Variants in ORC2 observed in about 807,000 individuals in gnomAD.
The protein encoded by ORC2 is origin recognition complex protein 2 homolog.
In ORC2, 37 loss-of-function variants were observed where a neutral mutation model predicts 77.7. That is an observed-to-expected ratio of 0.48 (90% confidence interval 0.37 to 0.63). The LOEUF is 0.63. Among genes scored for constraint, ORC2 ranks in the 20% least tolerant of loss-of-function variants. The pLI, the probability that ORC2 is intolerant of heterozygous loss-of-function variation, is 0.00. For synonymous variants in ORC2, 201 were observed against 229.5 expected, an observed-to-expected ratio of 0.88 and a Z score of 1.12; for missense variants, 557 against 661.9, an observed-to-expected ratio of 0.84 and a Z score of 1.74.
intron 11 of ORC2, among the ~76,000 whole-genome samples, chr2:200,927,997 T>C (rs570177504): frequency 6.6e-6 from 1 of 151,390 alleles, no homozygotes; most frequent in African/African-American, 2.4e-5. Context: ...CAGGAATCAA[T>C]GTTTAGTGAT....
At chr2:200,939,782 T>C (rs891071262) in intron 7 of ORC2, among the ~76,000 whole-genome samples, 1 of 152,258 alleles carries the variant, frequency 6.6e-6, no homozygotes, top group Non-Finnish European at 1.5e-5. Context: ...CAGGTTTTTC[T>C]GGTTTTTTGG....
At chr2:200,957,893 C>A in intron 3 of ORC2, 137 bp downstream of exon 3, 1 of 528,134 alleles carries the variant, frequency 1.9e-6, no homozygotes, top group Admixed American at 3.5e-5. Flanking sequence ...AAAATTAAAG[C>A]AGTTTTTATT....
At chr2:200,927,225 A>T (rs2040854556) in intron 11 of ORC2, among the ~76,000 whole-genome samples, 1 of 151,950 alleles carries the variant, frequency 6.6e-6, no homozygotes, top group Admixed American at 6.6e-5. Flanking sequence ...CTGGGGCTAC[A>T]GCTGTGCACC....
chr2:200,923,159 T>C (rs369586321), intron 13 of ORC2, among the ~76,000 whole-genome samples: 1 of 152,258 alleles, frequency 6.6e-6, no homozygotes, highest in Non-Finnish European at 1.5e-5. Flanking sequence ...TATTGAATAC[T>C]GAACCACTGT....
intron 1 of ORC2, chr2:200,963,073 G>A (rs2041611283): frequency 5.9e-6 from 1 of 168,756 alleles, no homozygotes; most frequent in African/African-American, 2.4e-5. Context: ...TACCACTGTC[G>A]TTACACATCT....
chr2:200,956,882 A>C (rs1213541028), intron 4 of ORC2, among the ~76,000 whole-genome samples: 2 of 152,230 alleles, frequency 1.3e-5, no homozygotes, highest in Non-Finnish European at 2.9e-5. Flanking sequence ...TGAAGCTAGA[A>C]GTCATCATCC....
chr2:200,942,213 A>G (rs1376493258), intron 6 of ORC2, among the ~76,000 whole-genome samples: 2 of 152,144 alleles, frequency 1.3e-5, no homozygotes, highest in Admixed American at 6.6e-5. Flanking sequence ...AAAAAAACAG[A>G]AATGTCGGCA....
At chr2:200,925,105 GACAA>G (rs1333474929) in intron 13 of ORC2, among the ~76,000 whole-genome samples, 1 of 152,094 alleles carries the variant, frequency 6.6e-6, no homozygotes, top group African/African-American at 2.4e-5. Flanking sequence ...AAAAATATCA[GACAA>G]ACTTGTACCA....
rs200066674 is a variant in ORC2 at position 200,913,994 on chromosome 2, T to TAA, written c.1467-4_1467-3dup. 36,641 of 1,260,894 alleles carry TAA rather than the reference T, an allele frequency of 0.029. 2 individuals are homozygous for TAA. Among genetic ancestry groups the TAA allele is most frequent in the East Asian group, 0.044 (1,713 of 39,180 alleles). 78.1% of individuals were successfully genotyped at this position (1,260,894 alleles called of 1,614,324 possible). A position where few individuals can be genotyped will look rare whatever the true frequency, so the allele number is the denominator to read the frequency against. On this transcript the variant is annotated splice_polypyrimidine_tract_variant and splice_region_variant and intron_variant, in intron 15 of 17. Transcript: ENST00000234296. ...TTTATTAGTAGCCTGAAAATTCCCC[T>TAA]AAAAAAAAAAAAAAACAGGAATTTA...
intron 11 of ORC2, among the ~76,000 whole-genome samples, chr2:200,928,740 G>A (rs1284714899): frequency 6.6e-6 from 1 of 151,658 alleles, no homozygotes; most frequent in Non-Finnish European, 1.5e-5. Context: ...CGTGAACACG[G>A]GAGGCAGAGC....
chr2:200,935,605 ATAT>A, intron 9 of ORC2, 91 bp downstream of exon 9: 1 of 878,472 alleles, frequency 1.1e-6, no homozygotes, highest in Non-Finnish European at 1.7e-6. Context: ...TGAAGAAAAA[ATAT>A]TATTTTGAGA....
chr2:200,914,082 A>G, intron 15 of ORC2, 90 bp from the exon 16 acceptor site: 1 of 782,414 alleles, frequency 1.3e-6, no homozygotes, highest in Admixed American at 2.7e-5. Flanking sequence ...GAAAATGTCA[A>G]GTAGTTGGCC....
At chr2:200,952,791 T>C (rs185281228) in intron 4 of ORC2, among the ~76,000 whole-genome samples, 156 of 150,904 alleles carry the variant, frequency 1.0e-3, no homozygotes, top group African/African-American at 3.5e-3. Flanking sequence ...TGATGCATTA[T>C]GGATATGATA....
intron 1 of ORC2, among the ~76,000 whole-genome samples, chr2:200,962,387 T>C (rs532451312): frequency 6.6e-6 from 1 of 152,258 alleles, no homozygotes; most frequent in Admixed American, 6.5e-5. Context: ...AGATTTGCTG[T>C]AATTTTTAAA....
intron 4 of ORC2, among the ~76,000 whole-genome samples, chr2:200,950,059 G>T (rs191546335): frequency 6.6e-6 from 1 of 152,128 alleles, no homozygotes; most frequent in African/African-American, 2.4e-5. Flanking sequence ...TTGGCCGGGC[G>T]CAGTGGCTCA....
At chr2:200,946,139 T>A (rs1445146251) in intron 5 of ORC2, among the ~76,000 whole-genome samples, 1 of 151,768 alleles carries the variant, frequency 6.6e-6, no homozygotes, top group Non-Finnish European at 1.5e-5. Flanking sequence ...CCCAATTATA[T>A]GAAAATCTAT....
At chr2:200,949,446 C>A in intron 5 of ORC2, 108 bp downstream of exon 5, 1 of 656,268 alleles carries the variant, frequency 1.5e-6, no homozygotes, top group African/African-American at 1.9e-5. Context: ...TAGGGAATCT[C>A]TCTTCATTCT....
chr2:200,954,896 G>GAATA (rs1431603222), intron 4 of ORC2, among the ~76,000 whole-genome samples: 1 of 134,738 alleles, frequency 7.4e-6, no homozygotes, highest in Non-Finnish European at 1.6e-5. Flanking sequence ...ATGAATGAAT[G>GAATA]AATGAATGAA....
chr2:200,929,370 C>A (rs1199930205), intron 11 of ORC2, among the ~76,000 whole-genome samples: 1 of 152,128 alleles, frequency 6.6e-6, no homozygotes. Flanking sequence ...CAGGAAGGAA[C>A]AAAACTGTGG....
Sources: gnomAD v4.1 joint callset for allele counts (sites outside exome capture counted in the v4.1 genomes callset) on GRCh38, gnomAD v4.1.1 for gene constraint, MANE v1.5 for transcripts, NCBI Gene and HGNC (gene_info 2026-07-23, HGNC 2026-07-21) for gene names.